Variants in SYNPO observed in about 807,000 individuals in gnomAD.
The protein encoded by SYNPO is synaptopodin.
SYNPO carries 19 observed loss-of-function variants against 49.5 expected under a neutral mutation model. That is an observed-to-expected ratio of 0.38 (90% confidence interval 0.27 to 0.56). The LOEUF (loss-of-function observed/expected upper bound fraction) is 0.56, where lower values mean the gene tolerates loss of function less well. Among genes scored for constraint, SYNPO ranks in the 20% least tolerant of loss-of-function variants. SYNPO has a pLI of 0.68. For missense variants in SYNPO, 1,131 were observed against 1,248.3 expected, an observed-to-expected ratio of 0.91 and a Z score of 1.42; for synonymous variants, 536 against 548.0, an observed-to-expected ratio of 0.98 and a Z score of 0.31.
rs1008455590 is a variant in SYNPO at position 150,610,983 on chromosome 5, C to T, written c.-265-7120C>T. Among the ~76,000 whole-genome samples, 5 of 152,038 alleles carry T rather than the reference C, an allele frequency of 3.3e-5. 1 individual carries two copies. The highest frequency in any genetic ancestry group is 5.9e-5 in the Non-Finnish European group (4 of 68,012). On this transcript the variant is annotated intron_variant, in intron 1 of 2. Transcript: ENST00000394243. ...GGGCTTATGTTTCTAAGTTTGTCAC[C>T]TAATGTTGGTTTGTGTTTTTTTTAT...
At chr5:150,587,004 A>C in the SYNPO span, among the ~76,000 whole-genome samples, 1 of 151,992 alleles carries the variant, frequency 6.6e-6, no homozygotes, top group Non-Finnish European at 1.5e-5. Context: ...GGGTGCATGG[A>C]TGGATATATG....
chr5:150,643,388 T>G (rs960421324), intron 1 of SYNPO, among the ~76,000 whole-genome samples: 1 of 152,238 alleles, frequency 6.6e-6, no homozygotes. Flanking sequence ...GTACAGTAAG[T>G]GACCAATCAA....
intron 1 of SYNPO, among the ~76,000 whole-genome samples, chr5:150,645,049 C>T (rs986102109): frequency 6.6e-6 from 1 of 152,144 alleles, no homozygotes; most frequent in African/African-American, 2.4e-5. Flanking sequence ...CTGGTCACAG[C>T]TTCTTTGCTC....
the SYNPO span, among the ~76,000 whole-genome samples, chr5:150,590,326 G>C: frequency 6.6e-6 from 1 of 152,218 alleles, no homozygotes; most frequent in Non-Finnish European, 1.5e-5. Flanking sequence ...GGGGGAGAGA[G>C]GGACCGCCAC....
chr5:150,655,012 C>A (rs1345264145), intron 2 of SYNPO, among the ~76,000 whole-genome samples: 2 of 152,112 alleles, frequency 1.3e-5, no homozygotes, highest in Non-Finnish European at 2.9e-5. Flanking sequence ...GTAATCCCAG[C>A]TACTCGGGAG....
intron 2 of SYNPO, chr5:150,652,501 C>G: frequency 1.4e-6 from 1 of 729,150 alleles, no homozygotes; most frequent in Non-Finnish European, 1.7e-6. Flanking sequence ...TGGTTCTGCA[C>G]TGGTACAGAC....
upstream of SYNPO, among the ~76,000 whole-genome samples, chr5:150,599,042 C>G (rs561022714): frequency 2.8e-4 from 42 of 152,304 alleles, no homozygotes; most frequent in African/African-American, 9.1e-4. Context: ...ATTCTGGGGC[C>G]GGATGCAGGT....
At chr5:150,628,938 T>C (rs1194390622) in intron 2 of SYNPO, among the ~76,000 whole-genome samples, 1 of 147,912 alleles carries the variant, frequency 6.8e-6, no homozygotes. Context: ...CTTAAGGAGA[T>C]GGGCTCTCGC....
chr5:150,618,670 C>T lies in SYNPO; in HGVS notation c.303C>T (p.Asp101=), dbSNP rs1273419151. Residue 101 remains aspartate, a synonymous_variant, in exon 2 of 3, where the codon GAC becomes GAT. Transcript: ENST00000394243. ...AGGAACAAGGGGCGTCCCAGCACGA[C>T]GACAGGGCCAGCCAGGACTGGGATG... 37 of 1,550,844 alleles carry T rather than the reference C, an allele frequency of 2.4e-5. 1 individual carries two copies. The highest frequency in any genetic ancestry group is 1.7e-4 in the South Asian group (14 of 84,030).
chr5:150,587,176 A>G, the SYNPO span, among the ~76,000 whole-genome samples: 1 of 151,950 alleles, frequency 6.6e-6, no homozygotes, highest in African/African-American at 2.4e-5. Flanking sequence ...GGATATATGG[A>G]TGGATATGTT....
At chr5:150,652,840 GAGGAA>G (rs1758437810) in intron 2 of SYNPO, 1 of 152,184 alleles carries the variant, frequency 6.6e-6, no homozygotes, top group Non-Finnish European at 1.5e-5. Context: ...CCCTGGTGGG[GAGGAA>G]AGAACTGCCA....
At chr5:150,591,823 T>C in the SYNPO span, among the ~76,000 whole-genome samples, 18 of 152,218 alleles carry the variant, frequency 1.2e-4, no homozygotes, top group Admixed American at 2.6e-4. Context: ...GTCAGAGCTA[T>C]GTTAAAGACA....
rs1264329231 is a variant in SYNPO at position 150,602,536 on chromosome 5, A to G, written c.-266+1348A>G. 2.6e-5 allele frequency among the ~76,000 whole-genome samples: 4 copies of G among 152,366 alleles called. No homozygotes were observed. In the East Asian group the frequency reaches 7.7e-4, roughly 29 times the overall value. On this transcript the variant is annotated intron_variant, in intron 1 of 2. Coordinates refer to the SYNPO transcript ENST00000394243. ...CCCAAATGAATAAAAGCCGGGGATC[A>G]GGAGAAGATCCTTGTGTTCTGTCCC...
intron 1 of SYNPO, among the ~76,000 whole-genome samples, chr5:150,646,758 G>T (rs1199220979): frequency 6.9e-6 from 1 of 145,118 alleles, no homozygotes; most frequent in African/African-American, 2.8e-5. Context: ...AAAAAAAGCA[G>T]ACGGTGGTTT....
chr5:150,643,900 C>T (rs1327236212), intron 1 of SYNPO, among the ~76,000 whole-genome samples: 4 of 151,840 alleles, frequency 2.6e-5, no homozygotes, highest in Non-Finnish European at 4.4e-5. Context: ...GATGGCTGGA[C>T]GTGGTGGCTC....
chr5:150,644,257 G>A (rs547869276), intron 1 of SYNPO, among the ~76,000 whole-genome samples: 8 of 152,216 alleles, frequency 5.3e-5, no homozygotes, highest in Admixed American at 2.0e-4. Flanking sequence ...GACACCTCCC[G>A]GGGGAGTGAG....
At chr5:150,628,338 G>A (rs12659003) in intron 2 of SYNPO, among the ~76,000 whole-genome samples, 7,614 of 152,164 alleles carry the variant, frequency 0.05, 423 homozygotes, top group East Asian at 0.19. Flanking sequence ...GGGTTGCTGC[G>A]GGTGGAACAA....
rs1217491696 is a variant in SYNPO at position 150,656,939 on chromosome 5, C to G, written c.2564C>G (p.Pro855Arg). 3 of 1,582,534 alleles carry G rather than the reference C, an allele frequency of 1.9e-6. No homozygotes were observed. The highest frequency in any genetic ancestry group is 2.3e-5 in the South Asian group (2 of 86,570). Residue 855 changes from proline to arginine, a missense_variant, in exon 3 of 3, where the codon CCC (proline) becomes CGC (arginine). Physicochemically the swap from Pro to Arg is moderately radical, Grantham distance 103. Coordinates refer to ENST00000307662, the MANE Select transcript of SYNPO (RefSeq NM_007286.6). ...PPRPFLYRRS[P>R]TDSDVSLDSE... ...AGGCCCTTCCTCTACCGCCGCTCGC[C>G]CACGGACTCCGACGTGTCCCTCGAC...
Position 150,640,686 on chromosome 5 carries a change from T to C in SYNPO, c.-501T>C. ...ATAAAGAGCTGGGCTGAGTCATCTG[T>C]GGAGGAGAAAAGTCACATCCAGCTC... On this transcript the variant is annotated 5_prime_UTR_variant, in exon 1 of 3. Transcript: ENST00000307662. 1.1e-5 allele frequency: 11 copies of C among 985,564 alleles called. No homozygotes were observed. The highest frequency in any genetic ancestry group is 1.3e-5 in the Non-Finnish European group (11 of 829,924). The allele number at this position is 985,564 out of a possible 1,614,324, so 61.1% of individuals were successfully genotyped here. A position where few individuals can be genotyped will look rare whatever the true frequency, so the allele number is the denominator to read the frequency against.
Sources: allele counts gnomAD v4.1 joint callset (sites outside exome capture counted in the v4.1 genomes callset), GRCh38; gene constraint gnomAD v4.1.1; transcripts MANE v1.5; gene names NCBI Gene and HGNC (gene_info 2026-07-23, HGNC 2026-07-21).